DIAPH3: variants seen among roughly 807,000 people sequenced by gnomAD.
DIAPH3 encodes diaphanous related formin 3.
A neutral mutation model predicts 144.3 loss-of-function variants in DIAPH3; 117 were observed. The ratio of observed to expected loss-of-function variants is 0.81; its 90% CI spans 0.70 to 0.95. The LOEUF (loss-of-function observed/expected upper bound fraction) is 0.95, where lower values mean the gene tolerates loss of function less well. Among genes scored for constraint, DIAPH3 ranks in the 40% least tolerant of loss-of-function variants. The pLI, the probability that DIAPH3 is intolerant of heterozygous loss-of-function variation, is 0.00. For missense variants in DIAPH3, 1,421 were observed against 1,412.7 expected (o/e 1.01, Z -0.09); for synonymous variants, 519 against 488.9 (o/e 1.06, Z -0.81).
At chr13:59,957,694 T>G (rs2049491737) in intron 17 of DIAPH3, among the ~76,000 whole-genome samples, 1 of 152,164 alleles carries the variant, frequency 6.6e-6, no homozygotes, top group Admixed American at 6.5e-5. Flanking sequence ...TAAAATGTAT[T>G]TATGTATATA....
intron 22 of DIAPH3, among the ~76,000 whole-genome samples, chr13:59,853,003 A>C (rs1033659874): frequency 1.3e-5 from 2 of 152,204 alleles, no homozygotes; most frequent in African/African-American, 4.8e-5. Flanking sequence ...ACATTTGTAC[A>C]TATTAACCTA....
At chr13:59,923,953 C>T (rs537397117) in intron 18 of DIAPH3, among the ~76,000 whole-genome samples, 108 of 152,256 alleles carry the variant, frequency 7.1e-4, no homozygotes, top group African/African-American at 2.3e-3. Flanking sequence ...TTTATCCTCT[C>T]GCTGAAGAAC....
chr13:59,836,060 A>C (rs1426181919), intron 23 of DIAPH3, among the ~76,000 whole-genome samples: 1 of 151,880 alleles, frequency 6.6e-6, no homozygotes, highest in Non-Finnish European at 1.5e-5. Context: ...TTGTCACATA[A>C]GTTGTAATAA....
At chr13:59,909,671 G>T (rs559707035) in intron 20 of DIAPH3, among the ~76,000 whole-genome samples, 2 of 152,216 alleles carry the variant, frequency 1.3e-5, no homozygotes, top group South Asian at 4.2e-4. Context: ...TGTTCATATT[G>T]TCTGTAGAGG....
intron 27 of DIAPH3, among the ~76,000 whole-genome samples, chr13:59,678,322 GA>G (rs1473587590): frequency 6.6e-6 from 1 of 151,946 alleles, no homozygotes; most frequent in African/African-American, 2.4e-5. Flanking sequence ...GAAAATGAGT[GA>G]AAAAAAGAAA....
At chr13:60,012,198 G>T (rs1478796560) in intron 7 of DIAPH3, among the ~76,000 whole-genome samples, 5 of 152,054 alleles carry the variant, frequency 3.3e-5, no homozygotes, top group South Asian at 2.1e-4. Context: ...CTTGTATATG[G>T]CCATTTATGC....
intron 1 of DIAPH3, among the ~76,000 whole-genome samples, chr13:60,149,751 TCA>T (rs1951698755): frequency 2.5e-5 from 1 of 40,166 alleles, no homozygotes; most frequent in Non-Finnish European, 5.0e-5. Flanking sequence ...AGACACTGTC[TCA>T]AAAAAAAAAA....
At chr13:60,005,328 T>C (rs978130777) in intron 9 of DIAPH3, among the ~76,000 whole-genome samples, 1 of 152,188 alleles carries the variant, frequency 6.6e-6, no homozygotes, top group Non-Finnish European at 1.5e-5. Flanking sequence ...AGAAAGTAGA[T>C]CAATAGTTGT....
intron 5 of DIAPH3, among the ~76,000 whole-genome samples, chr13:60,028,135 A>G (rs978369689): frequency 6.6e-6 from 1 of 151,922 alleles, no homozygotes; most frequent in African/African-American, 2.4e-5. Context: ...CGCTGATTTG[A>G]TTTCTCCATG....
chr13:59,795,621 T>A (rs2039558908), intron 25 of DIAPH3, among the ~76,000 whole-genome samples: 1 of 151,452 alleles, frequency 6.6e-6, no homozygotes, highest in Non-Finnish European at 1.5e-5. Context: ...TCCAGGCTAT[T>A]TTTTTTTATT....
At chr13:60,067,655 T>C (rs761441021) in intron 4 of DIAPH3, among the ~76,000 whole-genome samples, 3 of 152,222 alleles carry the variant, frequency 2.0e-5, no homozygotes, top group Non-Finnish European at 4.4e-5. Flanking sequence ...AAATATGGCA[T>C]TCTGAAATCC....
At chr13:59,668,605 C>T (rs1288821441) in intron 27 of DIAPH3, among the ~76,000 whole-genome samples, 1 of 152,132 alleles carries the variant, frequency 6.6e-6, no homozygotes, top group Non-Finnish European at 1.5e-5. Flanking sequence ...CTAGACCGTC[C>T]TTGGTGCAAA....
At chr13:60,150,032 T>C (rs1011332068) in intron 1 of DIAPH3, among the ~76,000 whole-genome samples, 6 of 152,112 alleles carry the variant, frequency 3.9e-5, no homozygotes, top group Non-Finnish European at 8.8e-5. Flanking sequence ...TCAGTTTATT[T>C]ATTTTTTGAG....
At chr13:59,761,944 A>C (rs772060256) in intron 27 of DIAPH3, among the ~76,000 whole-genome samples, 4 of 151,880 alleles carry the variant, frequency 2.6e-5, no homozygotes, top group Non-Finnish European at 1.5e-5. Context: ...TGGAAGCTCC[A>C]GTTCCTTACA....
At chr13:59,757,848 A>G (rs1249610516) in intron 27 of DIAPH3, among the ~76,000 whole-genome samples, 1 of 152,216 alleles carries the variant, frequency 6.6e-6, no homozygotes, top group East Asian at 1.9e-4. Context: ...TTCATTCTCA[A>G]TATGAAAAAT....
intron 3 of DIAPH3, among the ~76,000 whole-genome samples, chr13:60,095,283 T>C (rs2058072716): frequency 6.6e-6 from 1 of 152,218 alleles, no homozygotes; most frequent in Admixed American, 6.5e-5. Context: ...AAGATGGTCG[T>C]GTTACACAGC....
At chr13:59,987,415 T>C (rs867967059) in intron 12 of DIAPH3, among the ~76,000 whole-genome samples, 2 of 143,508 alleles carry the variant, frequency 1.4e-5, no homozygotes, top group African/African-American at 2.6e-5. Context: ...GCATGGCACA[T>C]GTATACATAT....
At chr13:60,151,738 T>C (rs1951797915) in intron 1 of DIAPH3, among the ~76,000 whole-genome samples, 1 of 152,148 alleles carries the variant, frequency 6.6e-6, no homozygotes, top group Non-Finnish European at 1.5e-5. Flanking sequence ...CAATATAACA[T>C]AACAATAAGA....
chr13:59,894,377 A>G (rs1266087614), intron 20 of DIAPH3, among the ~76,000 whole-genome samples: 1 of 152,076 alleles, frequency 6.6e-6, no homozygotes, highest in South Asian at 2.1e-4. Context: ...GCGTTTTAGG[A>G]AGTACAGGTT....
Sources: gnomAD v4.1 joint callset for allele counts (sites outside exome capture counted in the v4.1 genomes callset) on GRCh38, gnomAD v4.1.1 for gene constraint, MANE v1.5 for transcripts, NCBI Gene and HGNC (gene_info 2026-07-23, HGNC 2026-07-21) for gene names.